Variants in MACROD2 observed in about 807,000 individuals in gnomAD.
MACROD2 encodes ADP-ribose glycohydrolase MACROD2.
MACROD2 carries 36 observed loss-of-function variants against 70.4 expected under a neutral mutation model. The observed-to-expected ratio is 0.51, with a 90% CI of 0.39 to 0.68. The LOEUF (loss-of-function observed/expected upper bound fraction) is 0.68. Ranked by LOEUF, MACROD2 falls within the 30% of genes least tolerant of loss-of-function variation. MACROD2 has a pLI of 0.00. For synonymous variants in MACROD2, 172 were observed against 178.8 expected, an observed-to-expected ratio of 0.96 and a Z score of 0.30; for missense variants, 496 against 538.4, an observed-to-expected ratio of 0.92 and a Z score of 0.78.
At chr20:15,453,579 A>G (rs1263601630) in intron 7 of MACROD2, among the ~76,000 whole-genome samples, 3 of 152,138 alleles carry the variant, frequency 2.0e-5, no homozygotes, top group Admixed American at 1.3e-4. Flanking sequence ...TGTAATTCTC[A>G]CAACAATCTT....
At chr20:14,673,763 A>T (rs1017919280) in intron 4 of MACROD2, among the ~76,000 whole-genome samples, 4 of 151,408 alleles carry the variant, frequency 2.6e-5, no homozygotes, top group Admixed American at 2.6e-4. Context: ...TACTAAAAAA[A>T]CAAAAAATTA....
At chr20:15,080,414 G>A (rs1437655347) in intron 5 of MACROD2, among the ~76,000 whole-genome samples, 2 of 152,064 alleles carry the variant, frequency 1.3e-5, no homozygotes, top group Non-Finnish European at 2.9e-5. Flanking sequence ...CTGACATAAT[G>A]GTCACATCTT....
intron 5 of MACROD2, among the ~76,000 whole-genome samples, chr20:15,113,654 A>C (rs1040046045): frequency 1.3e-5 from 2 of 152,122 alleles, no homozygotes; most frequent in Non-Finnish European, 2.9e-5. Flanking sequence ...TCCAACACAA[A>C]GTGTCATTTG....
intron 8 of MACROD2, among the ~76,000 whole-genome samples, chr20:15,659,686 A>C (rs1267742783): frequency 6.6e-6 from 1 of 152,160 alleles, no homozygotes; most frequent in Non-Finnish European, 1.5e-5. Flanking sequence ...GCTACAAAGA[A>C]TACCTGAGGC....
intron 3 of MACROD2, among the ~76,000 whole-genome samples, chr20:14,354,282 C>T (rs2083151892): frequency 6.6e-6 from 1 of 152,238 alleles, no homozygotes; most frequent in South Asian, 2.1e-4. Context: ...ATAATAATTA[C>T]TTGTATGTAT....
chr20:14,126,705 A>G (rs1358135629), intron 3 of MACROD2, among the ~76,000 whole-genome samples: 2 of 152,120 alleles, frequency 1.3e-5, no homozygotes, highest in Non-Finnish European at 2.9e-5. Flanking sequence ...ATAGTTGTGT[A>G]TATTTCTTTT....
chr20:15,971,913 A>G (rs116060096), intron 13 of MACROD2, among the ~76,000 whole-genome samples: 1 of 152,198 alleles, frequency 6.6e-6, no homozygotes, highest in Non-Finnish European at 1.5e-5. Flanking sequence ...CCCATAAATG[A>G]TGCAGATGAT....
chr20:15,009,471 G>T (rs749872916), intron 5 of MACROD2, among the ~76,000 whole-genome samples: 18 of 152,042 alleles, frequency 1.2e-4, no homozygotes, highest in Non-Finnish European at 2.1e-4. Context: ...CATCACTCCA[G>T]GTGTGTATCT....
At chr20:14,200,555 G>T (rs1287410505) in intron 3 of MACROD2, among the ~76,000 whole-genome samples, 2 of 152,062 alleles carry the variant, frequency 1.3e-5, no homozygotes, top group African/African-American at 2.4e-5. Context: ...AACAAAAAAA[G>T]ATTTCCTCCT....
intron 8 of MACROD2, among the ~76,000 whole-genome samples, chr20:15,834,726 A>AT (rs1262015726): frequency 2.0e-5 from 3 of 151,998 alleles, no homozygotes; most frequent in Admixed American, 6.6e-5. Context: ...AGTTTCATAG[A>AT]TTTTTTTGCT....
intron 5 of MACROD2, among the ~76,000 whole-genome samples, chr20:15,006,083 C>T (rs2075033576): frequency 6.6e-6 from 1 of 150,920 alleles, no homozygotes; most frequent in Admixed American, 6.6e-5. Flanking sequence ...AGGTGCTTTA[C>T]AGAAGTTATC....
At chr20:14,561,840 G>A (rs1405516208) in intron 4 of MACROD2, among the ~76,000 whole-genome samples, 1 of 151,752 alleles carries the variant, frequency 6.6e-6, no homozygotes, top group Non-Finnish European at 1.5e-5. Context: ...TACTCTGCAT[G>A]TCATACATAA....
intron 8 of MACROD2, among the ~76,000 whole-genome samples, chr20:15,668,065 G>C (rs1418063606): frequency 1.3e-5 from 2 of 151,862 alleles, no homozygotes; most frequent in African/African-American, 4.8e-5. Context: ...TTCAAGACCA[G>C]CCTGGCCAAC....
intron 6 of MACROD2, among the ~76,000 whole-genome samples, chr20:15,394,700 A>G (rs1467458910): frequency 3.3e-5 from 5 of 152,192 alleles, no homozygotes; most frequent in African/African-American, 9.7e-5. Flanking sequence ...ACAGAGCATT[A>G]CACAAGTGTA....
chr20:16,042,360 A>G (rs1361332527), intron 16 of MACROD2, among the ~76,000 whole-genome samples: 2 of 152,038 alleles, frequency 1.3e-5, no homozygotes, highest in Non-Finnish European at 2.9e-5. Context: ...TGCTACAGAC[A>G]TGGTTCTTAA....
At chr20:15,061,347 T>C (rs1375053489) in intron 5 of MACROD2, among the ~76,000 whole-genome samples, 2 of 152,198 alleles carry the variant, frequency 1.3e-5, no homozygotes, top group African/African-American at 4.8e-5. Flanking sequence ...GGAGTGTTCA[T>C]GCCCTTGGTG....
chr20:15,583,454 T>G (rs1454361185), intron 8 of MACROD2, among the ~76,000 whole-genome samples: 2 of 152,200 alleles, frequency 1.3e-5, no homozygotes, highest in Non-Finnish European at 2.9e-5. Flanking sequence ...TGCTTCATTT[T>G]CTGCGGAGTG....
chr20:15,255,938 G>A (rs1367509315), intron 6 of MACROD2, among the ~76,000 whole-genome samples: 1 of 152,098 alleles, frequency 6.6e-6, no homozygotes, highest in Non-Finnish European at 1.5e-5. Context: ...CCAGGAAACT[G>A]ACTTACACAC....
chr20:13,998,782 C>T (rs956168725), intron 1 of MACROD2, among the ~76,000 whole-genome samples: 8 of 151,858 alleles, frequency 5.3e-5, no homozygotes, highest in Non-Finnish European at 1.2e-4. Flanking sequence ...GGTGAAACCC[C>T]GTCTTTACTA....
Sources: gnomAD v4.1 joint callset for allele counts (sites outside exome capture counted in the v4.1 genomes callset) on GRCh38, gnomAD v4.1.1 for gene constraint, MANE v1.5 for transcripts, NCBI Gene and HGNC (gene_info 2026-07-23, HGNC 2026-07-21) for gene names.